Variants in MAGI1 observed in about 807,000 individuals in gnomAD.
MAGI1 encodes the protein membrane-associated guanylate kinase, WW and PDZ domain-containing protein 1.
MAGI1 carries 58 observed loss-of-function variants against 139.9 expected under a neutral mutation model. That is an observed-to-expected ratio of 0.41 (90% CI 0.34 to 0.52). The LOEUF is 0.52. Among genes scored for constraint, MAGI1 ranks in the 20% least tolerant of loss-of-function variants. MAGI1 has a pLI of 0.12. For synonymous variants in MAGI1, 812 were observed against 737.9 expected (o/e 1.10, Z -1.63); for missense variants, 1,874 against 1,901.6 (o/e 0.99, Z 0.27).
At chr3:65,978,402 C>T (rs533285608) in intron 1 of MAGI1, among the ~76,000 whole-genome samples, 1 of 152,250 alleles carries the variant, frequency 6.6e-6, no homozygotes, top group South Asian at 2.1e-4. Flanking sequence ...CTCTGTCTTG[C>T]TCACTGCTGA....
At chr3:65,533,386 T>C (rs1168109805) in intron 2 of MAGI1, among the ~76,000 whole-genome samples, 2 of 152,188 alleles carry the variant, frequency 1.3e-5, no homozygotes, top group African/African-American at 4.8e-5. Flanking sequence ...ATAGATAAGC[T>C]GACAGTAACT....
At chr3:65,490,387 A>T (rs1951918192) in intron 3 of MAGI1, among the ~76,000 whole-genome samples, 1 of 152,210 alleles carries the variant, frequency 6.6e-6, no homozygotes, top group Admixed American at 6.5e-5. Context: ...AATAGACAGC[A>T]GCCACCATCA....
At chr3:65,814,698 T>C (rs1365448509) in intron 1 of MAGI1, among the ~76,000 whole-genome samples, 6 of 152,156 alleles carry the variant, frequency 3.9e-5, no homozygotes, top group Admixed American at 3.3e-4. Context: ...CATAGAATGC[T>C]CAGAGCATCA....
chr3:65,528,532 C>T (rs2078493105), intron 2 of MAGI1, among the ~76,000 whole-genome samples: 1 of 152,172 alleles, frequency 6.6e-6, no homozygotes, highest in Non-Finnish European at 1.5e-5. Flanking sequence ...AGGCGGGTCA[C>T]AGAACCATCT....
intron 2 of MAGI1, among the ~76,000 whole-genome samples, chr3:65,603,436 A>G (rs1365638517): frequency 1.3e-5 from 2 of 152,208 alleles, no homozygotes; most frequent in African/African-American, 4.8e-5. Flanking sequence ...GACAATCTAC[A>G]TAATAAAAAT....
chr3:65,470,502 G>C lies in MAGI1; in HGVS notation c.758-18C>G. The C allele has an allele frequency of 6.5e-7, 1 of 1,536,414 alleles. No individual in the cohort carries two copies. ...AGAATCGGCTGCTTAATCATGTGAA[G>C]AGGTGAGAGAGAGAGAGAGAGAAAA... On this transcript the variant is annotated intron_variant, in intron 4 of 22. Transcript: ENST00000402939.
intron 1 of MAGI1, among the ~76,000 whole-genome samples, chr3:65,763,113 C>T (rs2037169889): frequency 6.6e-6 from 1 of 152,282 alleles, no homozygotes; most frequent in African/African-American, 2.4e-5. Context: ...AGTGATAAAA[C>T]CCCCATGTGC....
intron 12 of MAGI1, among the ~76,000 whole-genome samples, chr3:65,417,342 T>A (rs1382043155): frequency 1.3e-5 from 2 of 152,056 alleles, no homozygotes; most frequent in Non-Finnish European, 2.9e-5. Context: ...AAAAAAAGAC[T>A]GATATAATGG....
intron 1 of MAGI1, among the ~76,000 whole-genome samples, chr3:65,937,973 A>G (rs1441133825): frequency 6.6e-6 from 1 of 152,186 alleles, no homozygotes; most frequent in African/African-American, 2.4e-5. Flanking sequence ...TCAAGAGAAT[A>G]CGGATCAAGC....
intron 2 of MAGI1, among the ~76,000 whole-genome samples, chr3:65,546,228 T>C (rs2079502822): frequency 1.3e-5 from 2 of 152,218 alleles, no homozygotes; most frequent in Non-Finnish European, 2.9e-5. Flanking sequence ...TCAGCAATTA[T>C]TCTAGGAACC....
intron 1 of MAGI1, among the ~76,000 whole-genome samples, chr3:65,974,964 A>G (rs892665738): frequency 6.6e-6 from 1 of 152,184 alleles, no homozygotes; most frequent in Non-Finnish European, 1.5e-5. Flanking sequence ...AAATAATCAA[A>G]TCTTCTAAAT....
intron 1 of MAGI1, among the ~76,000 whole-genome samples, chr3:65,915,346 A>G (rs536123330): frequency 6.6e-6 from 1 of 152,320 alleles, no homozygotes; most frequent in African/African-American, 2.4e-5. Context: ...ACGGGATGCT[A>G]ACACATCGCT....
chr3:65,356,636 G>A lies in MAGI1; in HGVS notation c.4131C>T (p.Leu1377=). 6.3e-7 allele frequency: 1 copy of A among 1,588,462 alleles called. No individual in the cohort carries two copies. The highest frequency in any genetic ancestry group is 8.6e-7 in the Non-Finnish European group (1 of 1,169,524). Residue 1377 remains leucine (L), a synonymous_variant, in exon 23 of 23, where the codon CTC becomes CTT. Transcript: ENST00000402939. ...PSRRRRSLER[L]LEQRRSPERR... ...GCTCGGGGGACCTCCTCTGCTCCAG[G>A]AGTCTCTCCAGAGACCGTCTCCGCC...
chr3:65,374,313 CTTTTTT>C (rs3072933), intron 18 of MAGI1, among the ~76,000 whole-genome samples: 23 of 95,052 alleles, frequency 2.4e-4, no homozygotes, highest in African/African-American at 3.8e-4. Context: ...ATCAACTTAA[CTTTTTT>C]TTTTTTTTTT....
intron 1 of MAGI1, among the ~76,000 whole-genome samples, chr3:65,748,535 G>A (rs2035883505): frequency 6.6e-6 from 1 of 152,176 alleles, no homozygotes; most frequent in African/African-American, 2.4e-5. Context: ...ATTTGCAGCT[G>A]CCGCTTTGTA....
At chr3:65,466,883 C>T (rs1386056199) in intron 5 of MAGI1, among the ~76,000 whole-genome samples, 1 of 152,180 alleles carries the variant, frequency 6.6e-6, no homozygotes, top group Non-Finnish European at 1.5e-5. Flanking sequence ...ACCCTTGGGG[C>T]GTAGGACCAC....
chr3:65,822,169 A>G (rs2041983934), intron 1 of MAGI1, among the ~76,000 whole-genome samples: 1 of 152,224 alleles, frequency 6.6e-6, no homozygotes, highest in Admixed American at 6.5e-5. Context: ...AAGAGAGATG[A>G]GGAAGGTCAG....
chr3:65,783,879 T>G (rs569519942), intron 1 of MAGI1, among the ~76,000 whole-genome samples: 1 of 151,772 alleles, frequency 6.6e-6, no homozygotes, highest in Non-Finnish European at 1.5e-5. Flanking sequence ...TCCCAGCACT[T>G]TGGGAGGCCG....
intron 1 of MAGI1, among the ~76,000 whole-genome samples, chr3:65,832,086 C>T (rs1198475941): frequency 2.0e-5 from 3 of 152,142 alleles, no homozygotes; most frequent in Non-Finnish European, 4.4e-5. Context: ...TTCCAACCAG[C>T]CCTCTTTTTC....
Sources: gnomAD v4.1 joint callset for allele counts (sites outside exome capture counted in the v4.1 genomes callset) on GRCh38, gnomAD v4.1.1 for gene constraint, MANE v1.5 for transcripts, NCBI Gene and HGNC (gene_info 2026-07-23, HGNC 2026-07-21) for gene names.